Variants in TAF1B observed in about 807,000 individuals in gnomAD.
TAF1B encodes TATA-box binding protein associated factor, RNA polymerase I subunit B.
TAF1B carries 61 observed loss-of-function variants against 83.9 expected under a neutral mutation model. That is an observed-to-expected ratio of 0.73 (90% CI 0.59 to 0.90). TAF1B has a LOEUF of 0.90. Ranked by LOEUF, TAF1B falls within the 40% of genes least tolerant of loss-of-function variation. The probability of loss-of-function intolerance (pLI) is 0.00; values close to 1 mark genes in which losing one functional copy is unlikely to be tolerated. For missense variants in TAF1B, 625 were observed against 677.0 expected (o/e 0.92, Z 0.85); for synonymous variants, 221 against 224.6 (o/e 0.98, Z 0.14).
At chr2:9,869,492 G>A (rs1024576785) in intron 6 of TAF1B, among the ~76,000 whole-genome samples, 1 of 151,404 alleles carries the variant, frequency 6.6e-6, no homozygotes, top group Non-Finnish European at 1.5e-5. Context: ...CAAAGTGCTG[G>A]GATTACAGGT....
intron 5 of TAF1B, among the ~76,000 whole-genome samples, chr2:9,862,038 C>A (rs906792585): frequency 6.9e-6 from 1 of 144,092 alleles, no homozygotes; most frequent in African/African-American, 2.4e-5. Flanking sequence ...AATCAGAACG[C>A]CTCTCCTCCA....
intron 8 of TAF1B, among the ~76,000 whole-genome samples, chr2:9,897,551 A>T (rs1385745640): frequency 6.6e-6 from 1 of 152,196 alleles, no homozygotes; most frequent in African/African-American, 2.4e-5. Context: ...GAAAAGATGT[A>T]ATACTGGGTC....
At chr2:9,907,045 T>G (rs1558261101) in intron 9 of TAF1B, among the ~76,000 whole-genome samples, 1 of 151,854 alleles carries the variant, frequency 6.6e-6, no homozygotes, top group Non-Finnish European at 1.5e-5. Context: ...ACCTGGCTAG[T>G]TTTTTTTATT....
chr2:9,876,591 A>G (rs555630427), intron 7 of TAF1B, among the ~76,000 whole-genome samples: 15 of 152,334 alleles, frequency 9.8e-5, no homozygotes, highest in African/African-American at 3.6e-4. Context: ...AGACGTGCCA[A>G]AATTCTTATG....
At position 9,895,049 on chromosome 2, in the gene TAF1B, AGTTCATAATTTTGTATTT is replaced by A. The variant is rs1272636518; in HGVS notation, c.808-9801_808-9784del. On this transcript the variant is annotated intron_variant, in intron 8 of 14. Transcript: ENST00000263663. ...AGTTGGCAAATCCTCATTGGTCAGCAGTTCATAATTTTGTATTTGTTCATAAGGTTTGTGTTTGTCTGT... is the reference window on the plus strand; with the variant it reads ...AGTTGGCAAATCCTCATTGGTCAGCAGTTCATAAGGTTTGTGTTTGTCTGT... 2.6e-5 allele frequency among the ~76,000 whole-genome samples: 4 copies of A among 152,206 alleles called. No individual in the cohort carries two copies. The East Asian group carries it at 7.7e-4, about 29-fold the overall frequency.
intron 5 of TAF1B, among the ~76,000 whole-genome samples, chr2:9,860,832 A>T (rs1397670192): frequency 6.6e-6 from 1 of 152,244 alleles, no homozygotes; most frequent in Non-Finnish European, 1.5e-5. Context: ...GGAATGGAAT[A>T]TAAGGTAGAC....
chr2:9,864,617 C>G (rs1206726579), intron 5 of TAF1B, among the ~76,000 whole-genome samples: 1 of 152,130 alleles, frequency 6.6e-6, no homozygotes, highest in Non-Finnish European at 1.5e-5. Context: ...GACACCAAAG[C>G]CTGGCAGAGA....
At chr2:9,852,813 A>C (rs948742450) in intron 4 of TAF1B, among the ~76,000 whole-genome samples, 1 of 152,172 alleles carries the variant, frequency 6.6e-6, no homozygotes, top group Non-Finnish European at 1.5e-5. Flanking sequence ...TATTAAAGGC[A>C]AAAAAAGAAC....
chr2:9,879,019 G>T (rs1309021089), intron 7 of TAF1B, among the ~76,000 whole-genome samples: 1 of 152,226 alleles, frequency 6.6e-6, no homozygotes, highest in Non-Finnish European at 1.5e-5. Context: ...AATAGAGCCA[G>T]TGTGAATATC....
chr2:9,913,339 T>C (rs1300056745), intron 12 of TAF1B, 90 bp downstream of exon 12: 1 of 995,182 alleles, frequency 1.0e-6, no homozygotes, highest in South Asian at 1.7e-5. Flanking sequence ...CAGTATACAC[T>C]TATCTACATT....
intron 6 of TAF1B, chr2:9,868,721 T>C: frequency 3.6e-6 from 2 of 555,428 alleles, no homozygotes; most frequent in South Asian, 3.1e-5. Context: ...GATCTATATG[T>C]GTGGGCTCAG....
chr2:9,851,190 A>G (rs1663377908), intron 3 of TAF1B, among the ~76,000 whole-genome samples: 1 of 152,204 alleles, frequency 6.6e-6, no homozygotes, highest in Admixed American at 6.5e-5. Flanking sequence ...AGACATTTTT[A>G]AAACTCGTTT....
At chr2:9,866,163 G>A (rs1489766332) in intron 5 of TAF1B, among the ~76,000 whole-genome samples, 1 of 150,694 alleles carries the variant, frequency 6.6e-6, no homozygotes, top group African/African-American at 2.4e-5. Context: ...TACAGAATGG[G>A]AGAAAATTTT....
At chr2:9,889,714 C>T (rs574491751) in intron 8 of TAF1B, among the ~76,000 whole-genome samples, 86 of 152,110 alleles carry the variant, frequency 5.7e-4, no homozygotes, top group African/African-American at 2.0e-3. Context: ...AATTAAGTAA[C>T]TTGAAGAACA....
intron 8 of TAF1B, among the ~76,000 whole-genome samples, chr2:9,894,184 A>G (rs1664952723): frequency 1.3e-5 from 2 of 152,090 alleles, no homozygotes; most frequent in Admixed American, 6.5e-5. Flanking sequence ...CAAAATAAGG[A>G]CTCAGTCTGT....
At chr2:9,905,542 C>G (rs1394720969) in intron 9 of TAF1B, among the ~76,000 whole-genome samples, 1 of 152,102 alleles carries the variant, frequency 6.6e-6, no homozygotes, top group Non-Finnish European at 1.5e-5. Context: ...GTAAAAAGAG[C>G]CTCACTATAC....
At chr2:9,843,601 C>T (rs773736412) in intron 1 of TAF1B, 42 bp downstream of exon 1, 1 of 1,476,006 alleles carries the variant, frequency 6.8e-7, no homozygotes. Context: ...TCGCCGGGGC[C>T]GGAGGAGAGA....
chr2:9,902,930 T>C (rs1360935858), intron 8 of TAF1B, among the ~76,000 whole-genome samples: 1 of 152,244 alleles, frequency 6.6e-6, no homozygotes, highest in African/African-American at 2.4e-5. Flanking sequence ...ACTATAGTTA[T>C]TTATCCAAGC....
chr2:9,869,747 GC>G (rs1352466836), intron 6 of TAF1B, among the ~76,000 whole-genome samples: 1 of 151,734 alleles, frequency 6.6e-6, no homozygotes, highest in Non-Finnish European at 1.5e-5. Context: ...GTGGTGGTAT[GC>G]ACCTGTAGTC....
Sources: gnomAD v4.1 joint callset for allele counts (sites outside exome capture counted in the v4.1 genomes callset) on GRCh38, gnomAD v4.1.1 for gene constraint, MANE v1.5 for transcripts, NCBI Gene and HGNC (gene_info 2026-07-23, HGNC 2026-07-21) for gene names.